Variants in FBXO16 observed in about 807,000 individuals in gnomAD.
FBXO16 encodes F-box only protein 16.
FBXO16 carries 31 observed loss-of-function variants against 41.0 expected under a neutral mutation model. The observed-to-expected ratio is 0.76, with a 90% confidence interval of 0.57 to 1.02. The LOEUF (loss-of-function observed/expected upper bound fraction) is 1.02. FBXO16 is among the 50% of genes least tolerant of loss of function. The pLI is 0.00. For synonymous variants in FBXO16, 133 were observed against 117.8 expected, an observed-to-expected ratio of 1.13 and a Z score of -0.84; for missense variants, 361 against 346.2, an observed-to-expected ratio of 1.04 and a Z score of -0.34.
At chr8:28,473,350 T>C (rs1464618677) in intron 3 of FBXO16, among the ~76,000 whole-genome samples, 1 of 152,172 alleles carries the variant, frequency 6.6e-6, no homozygotes, top group Non-Finnish European at 1.5e-5. Context: ...GACTGAATGT[T>C]TACATCACCC....
chr8:28,452,133 G>T, intron 6 of FBXO16, 111 bp downstream of exon 6: 1 of 1,082,742 alleles, frequency 9.2e-7, no homozygotes, highest in Non-Finnish European at 1.3e-6. Flanking sequence ...TCTATGTACT[G>T]AAAAGCTTTT....
At position 28,463,902 on chromosome 8, in the gene FBXO16, G is replaced by A. The variant is rs1225332638; in HGVS notation, c.136-84C>T. The A allele has an allele frequency of 1.4e-5, 17 of 1,241,608 alleles. No homozygotes were observed. The East Asian group carries it at 3.8e-4, about 28-fold the overall frequency. The allele number at this position is 1,241,608 out of a possible 1,614,324, so 76.9% of individuals were successfully genotyped here. A position where few individuals can be genotyped will look rare whatever the true frequency, so the allele number is the denominator to read the frequency against. On this transcript the variant is annotated intron_variant, in intron 3 of 8. Coordinates refer to ENST00000380254, the MANE Select transcript of FBXO16 (RefSeq NM_172366.4). ...TCATTACGAGTAAGACATGACAATG[G>A]CATAGAAAGGGAGTTTAGTAATTTA...
chr8:28,441,269 C>T (rs1802768572), intron 7 of FBXO16, among the ~76,000 whole-genome samples: 1 of 152,146 alleles, frequency 6.6e-6, no homozygotes. Flanking sequence ...GCAGAAACAA[C>T]AAATTCGTCC....
intron 2 of FBXO16, among the ~76,000 whole-genome samples, chr8:28,476,491 A>G (rs576806152): frequency 6.6e-6 from 1 of 152,204 alleles, no homozygotes; most frequent in African/African-American, 2.4e-5. Context: ...GCAAGTCTTT[A>G]TTTCAGAGAT....
intron 7 of FBXO16, among the ~76,000 whole-genome samples, chr8:28,446,640 G>A (rs952705101): frequency 1.4e-4 from 21 of 151,850 alleles, no homozygotes; most frequent in Non-Finnish European, 2.9e-5. Flanking sequence ...GGGAGGCCGA[G>A]GCAGGTGGAT....
chr8:28,485,480 AT>A (rs998359315), intron 1 of FBXO16, among the ~76,000 whole-genome samples: 5 of 151,758 alleles, frequency 3.3e-5, no homozygotes, highest in African/African-American at 9.7e-5. Context: ...ACCTTTGATA[AT>A]TTTTTTTTAA....
chr8:28,465,461 A>C (rs758729203), intron 3 of FBXO16: 1 of 450,062 alleles, frequency 2.2e-6, no homozygotes, highest in South Asian at 1.6e-5. Flanking sequence ...CAAAAAAATA[A>C]AAAGTTAGCT....
At chr8:28,470,431 C>T (rs1375893646) in intron 3 of FBXO16, among the ~76,000 whole-genome samples, 1 of 152,096 alleles carries the variant, frequency 6.6e-6, no homozygotes. Context: ...CTTTTTCATG[C>T]CTTTTCATGT....
intron 1 of FBXO16, among the ~76,000 whole-genome samples, chr8:28,485,221 G>A (rs1343808925): frequency 1.3e-5 from 2 of 152,158 alleles, no homozygotes; most frequent in East Asian, 3.9e-4. Flanking sequence ...TTCCCAGGCT[G>A]CCGTACAGTG....
chr8:28,437,308 AGC>A (rs1380441689), intron 7 of FBXO16, among the ~76,000 whole-genome samples: 2 of 152,226 alleles, frequency 1.3e-5, no homozygotes, highest in African/African-American at 2.4e-5. Context: ...TATTATGGAT[AGC>A]CTGATGAAAC....
At chr8:28,476,423 G>C (rs1196932835) in intron 2 of FBXO16, among the ~76,000 whole-genome samples, 1 of 152,184 alleles carries the variant, frequency 6.6e-6, no homozygotes, top group African/African-American at 2.4e-5. Flanking sequence ...ATTTTGGGCA[G>C]ATAATTTTGT....
intron 5 of FBXO16, 151 bp downstream of exon 5, chr8:28,456,615 C>A (rs977204352): frequency 1.1e-6 from 1 of 894,098 alleles, no homozygotes; most frequent in Admixed American, 2.5e-5. Context: ...AAACAACTAT[C>A]AAGTCTCAGA....
At chr8:28,457,972 G>A (rs1400404597) in intron 4 of FBXO16, among the ~76,000 whole-genome samples, 1 of 152,242 alleles carries the variant, frequency 6.6e-6, no homozygotes, top group Non-Finnish European at 1.5e-5. Context: ...AATAAGTCTT[G>A]CCAGAAACTA....
chr8:28,480,199 C>T (rs1290825131), intron 2 of FBXO16, among the ~76,000 whole-genome samples: 1 of 151,796 alleles, frequency 6.6e-6, no homozygotes, highest in Non-Finnish European at 1.5e-5. Flanking sequence ...TTTCCTTTTT[C>T]AGTCTCTCTC....
intron 4 of FBXO16, among the ~76,000 whole-genome samples, chr8:28,457,990 G>C (rs951885875): frequency 1.3e-5 from 2 of 152,138 alleles, no homozygotes; most frequent in African/African-American, 4.8e-5. Context: ...CTAGGATCAA[G>C]TTCACATATA....
At chr8:28,466,748 G>A (rs1193716586) in intron 3 of FBXO16, among the ~76,000 whole-genome samples, 1 of 152,112 alleles carries the variant, frequency 6.6e-6, no homozygotes, top group African/African-American at 2.4e-5. Flanking sequence ...GGCGAGAGAG[G>A]AAGAACAGTT....
At chr8:28,477,916 G>A (rs904299431) in intron 2 of FBXO16, among the ~76,000 whole-genome samples, 2 of 152,122 alleles carry the variant, frequency 1.3e-5, no homozygotes, top group African/African-American at 2.4e-5. Context: ...GGGGGAATGA[G>A]ACAGGAAGAT....
chr8:28,446,247 CCTTGGCTGA>C (rs1411646570), intron 7 of FBXO16, among the ~76,000 whole-genome samples: 1 of 140,164 alleles, frequency 7.1e-6, no homozygotes, highest in East Asian at 2.2e-4. Context: ...AGTGGTGCGA[CCTTGGCTGA>C]CTATAACCTT....
chr8:28,473,901 C>T (rs1803376970), intron 2 of FBXO16, 94 bp from the exon 3 acceptor site: 4 of 920,762 alleles, frequency 4.3e-6, no homozygotes, highest in East Asian at 2.6e-5. Context: ...GGTGAATAAA[C>T]ATTCATTGTA....
Sources: gnomAD v4.1 joint callset for allele counts (sites outside exome capture counted in the v4.1 genomes callset) on GRCh38, gnomAD v4.1.1 for gene constraint, MANE v1.5 for transcripts, NCBI Gene and HGNC (gene_info 2026-07-23, HGNC 2026-07-21) for gene names.